The following EML6 variants were observed in gnomAD, a reference collection of about 807,000 sequenced individuals.
The protein encoded by EML6 is EMAP like 6.
EML6 carries 154 observed loss-of-function variants against 240.1 expected under a neutral mutation model. The observed-to-expected ratio is 0.64, with a 90% CI of 0.56 to 0.73. The LOEUF (loss-of-function observed/expected upper bound fraction) is 0.73, where lower values mean the gene tolerates loss of function less well. Ranked by LOEUF, EML6 falls within the 30% of genes least tolerant of loss-of-function variation. The pLI, the probability that EML6 is intolerant of heterozygous loss-of-function variation, is 0.00. For missense variants in EML6, 2,964 were observed against 2,474.6 expected, an observed-to-expected ratio of 1.20 and a Z score of -4.20; for synonymous variants, 1,148 against 899.0, an observed-to-expected ratio of 1.28 and a Z score of -4.95.
Position 54,724,244 on chromosome 2 carries a change from G to A in EML6, c.-513-305G>A, listed in dbSNP as rs1318386208. Among the ~76,000 whole-genome samples the A allele has an allele frequency of 6.6e-6, 1 of 151,956 alleles. No homozygotes were observed. The highest frequency in any genetic ancestry group is 1.5e-5 in the Non-Finnish European group (1 of 67,994). On this transcript the variant is annotated intron_variant, in intron 1 of 41. Transcript: ENST00000356458. The surrounding 1 kb of genome is among the most constrained non-coding windows in gnomAD (Gnocchi z 5.2). ...CTCGGTGAAGAGAAGGTTCACGGAGGATATGATTATTAAACACACACATGA... is the reference window on the plus strand; with the variant it reads ...CTCGGTGAAGAGAAGGTTCACGGAGAATATGATTATTAAACACACACATGA...
Position 54,894,903 on chromosome 2 carries a change from G to A in EML6, c.2743-12G>A, listed in dbSNP as rs898827843. The A allele has an allele frequency of 1.1e-5, 17 of 1,536,206 alleles. No individual in the cohort carries two copies. The highest frequency in any genetic ancestry group is 1.4e-5 in the Non-Finnish European group (16 of 1,133,228). Reference sequence around the variant, plus strand: ...GATGTGTATATAATACCTCTCATGTGTGCCTTCACAGGGCTTTGTAACAGG... The same window carrying A: ...GATGTGTATATAATACCTCTCATGTATGCCTTCACAGGGCTTTGTAACAGG... On this transcript the variant is annotated splice_polypyrimidine_tract_variant and intron_variant, in intron 19 of 41. Transcript: ENST00000356458.
chr2:54,885,985 C>G (rs1047965512), intron 17 of EML6, among the ~76,000 whole-genome samples: 2 of 152,166 alleles, frequency 1.3e-5, no homozygotes, highest in South Asian at 4.1e-4. Flanking sequence ...GGTTCACATT[C>G]ATGTAGCCAT....
At chr2:54,926,731 G>C (rs879336284) in intron 26 of EML6, among the ~76,000 whole-genome samples, 1 of 152,158 alleles carries the variant, frequency 6.6e-6, no homozygotes, top group African/African-American at 2.4e-5. Context: ...ACTGCTGCAG[G>C]AATCTCTGCC....
intron 2 of EML6, among the ~76,000 whole-genome samples, chr2:54,803,806 C>T (rs1670307825): frequency 6.6e-6 from 1 of 152,172 alleles, no homozygotes; most frequent in South Asian, 2.1e-4. Context: ...AAATTCTCCT[C>T]CTCTTAGAGT....
chr2:54,820,054 T>C (rs968839768), intron 4 of EML6, among the ~76,000 whole-genome samples: 2 of 152,196 alleles, frequency 1.3e-5, no homozygotes, highest in African/African-American at 4.8e-5. Context: ...ATCTCCAAAG[T>C]GTTAGCACTG....
intron 26 of EML6, among the ~76,000 whole-genome samples, chr2:54,926,602 C>T (rs1234886446): frequency 1.3e-5 from 2 of 152,242 alleles, no homozygotes; most frequent in Non-Finnish European, 1.5e-5. Context: ...ACATCCCTGC[C>T]AGTGTCTTTC....
rs1020675287 is a variant in EML6, at chr2:54,967,132, A to G, written c.5597+29A>G. The stretch of plus-strand genomic sequence containing the variant: ...ACTGACTGGAAGAAAAAACTTGAGG[A>G]AAAGGTCACAAGGGAGTCTCTTGTC... On this transcript the variant is annotated intron_variant, in intron 39 of 41. Coordinates refer to ENST00000356458, the MANE Select transcript of EML6 (RefSeq NM_001039753.4). 11 of 1,435,238 alleles carry G rather than the reference A, an allele frequency of 7.7e-6. No individual in the cohort carries two copies. The African/African-American group carries it at 1.1e-4, about 15-fold the overall frequency. The allele number at this position is 1,435,238 out of a possible 1,614,324, so 88.9% of individuals were successfully genotyped here.
At chr2:54,760,845 T>TA (rs1359950463) in intron 2 of EML6, among the ~76,000 whole-genome samples, 1 of 149,030 alleles carries the variant, frequency 6.7e-6, no homozygotes, top group Non-Finnish European at 1.5e-5. Flanking sequence ...TTTTTTTTTT[T>TA]ACTAGAAAAA....
intron 7 of EML6, among the ~76,000 whole-genome samples, chr2:54,829,823 A>G (rs189236472): frequency 3.3e-5 from 5 of 152,332 alleles, no homozygotes; most frequent in Non-Finnish European, 7.3e-5. Context: ...GAGAGGAGAA[A>G]TGAGACAAAT....
At chr2:54,796,619 C>A (rs888556561) in intron 2 of EML6, among the ~76,000 whole-genome samples, 1 of 151,776 alleles carries the variant, frequency 6.6e-6, no homozygotes, top group African/African-American at 2.4e-5. Flanking sequence ...CTTGCATACA[C>A]GAGCGCACAC....
intron 13 of EML6, among the ~76,000 whole-genome samples, chr2:54,864,786 A>G (rs1239801304): frequency 1.3e-5 from 2 of 152,204 alleles, no homozygotes; most frequent in Admixed American, 6.5e-5. Context: ...CAAAGTGCAC[A>G]TTCTATGCAC....
chr2:54,905,374 ACAC>A (rs1673273715), intron 24 of EML6, among the ~76,000 whole-genome samples: 7 of 136,624 alleles, frequency 5.1e-5, no homozygotes, highest in Non-Finnish European at 8.1e-5. Flanking sequence ...ACACACACAC[ACAC>A]AAAATACCTG....
At chr2:54,770,173 C>G (rs536804824) in intron 2 of EML6, among the ~76,000 whole-genome samples, 4 of 152,294 alleles carry the variant, frequency 2.6e-5, no homozygotes, top group Non-Finnish European at 4.4e-5. Flanking sequence ...CTTGCTTAAC[C>G]TAAGTCATGT....
intron 2 of EML6, among the ~76,000 whole-genome samples, chr2:54,752,018 T>G (rs1296523807): frequency 6.6e-6 from 1 of 152,186 alleles, no homozygotes; most frequent in African/African-American, 2.4e-5. Flanking sequence ...CTTCCAAAAC[T>G]TTCTTCCTTC....
intron 17 of EML6, among the ~76,000 whole-genome samples, chr2:54,887,355 C>G (rs908485279): frequency 2.0e-5 from 3 of 152,192 alleles, no homozygotes; most frequent in African/African-American, 4.8e-5. Flanking sequence ...AATTTTCCCT[C>G]GTGAACCATT....
chr2:54,873,570 A>G lies in EML6; in HGVS notation c.2344+1965A>G, dbSNP rs571766150. Among the ~76,000 whole-genome samples, 5 of 151,720 alleles carry G rather than the reference A, an allele frequency of 3.3e-5. No homozygotes were observed. The South Asian group carries it at 1.0e-3, about 32-fold the overall frequency. ...GTAATTTTAGTTCAAATACGATTGT[A>G]TTTCAAAGATGTGGATGAATTCCTT... On this transcript the variant is annotated intron_variant, in intron 16 of 41. Coordinates refer to ENST00000356458, the MANE Select transcript of EML6 (RefSeq NM_001039753.4).
Position 54,950,693 on chromosome 2 carries a change from G to A in EML6, c.4127G>A (p.Cys1376Tyr). 6.4e-7 allele frequency: 1 copy of A among 1,551,620 alleles called. No homozygotes were observed. Among genetic ancestry groups the A allele is most frequent in the Non-Finnish European group, 8.7e-7 (1 of 1,146,964 alleles). ...GTGTTTGGCTACAGAGGTTTCGACT[G>A]TCGAAATAACCTGCATTACCTTAAT... ...DHVFGYRGFD[C>Y]RNNLHYLNDG... Residue 1376 changes from cysteine (C) to tyrosine (Y), a missense_variant, in exon 30 of 42, where the codon TGT (cysteine) becomes TAT (tyrosine). Physicochemically the swap from Cys to Tyr is radical, Grantham distance 194. Coordinates refer to ENST00000356458, the MANE Select transcript of EML6 (RefSeq NM_001039753.4).
intron 19 of EML6, 83 bp from the exon 20 acceptor site, chr2:54,894,832 A>G: frequency 1.2e-6 from 1 of 813,846 alleles, no homozygotes; most frequent in Non-Finnish European, 2.0e-6. Context: ...AAGCTTCCTT[A>G]CCTGCGGGGA....
chr2:54,844,219 T>A lies in EML6; in HGVS notation c.1020T>A (p.Ala340=). The A allele has an allele frequency of 6.4e-7, 1 of 1,551,710 alleles. No homozygotes were observed. Among genetic ancestry groups the A allele is most frequent in the Non-Finnish European group, 8.7e-7 (1 of 1,146,990 alleles). Residue 340 remains alanine (A), a synonymous_variant, in exon 8 of 42, where the codon GCT becomes GCA. Coordinates refer to ENST00000356458, the MANE Select transcript of EML6 (RefSeq NM_001039753.4). ...CCCTGCACCCCAAGAAGCCTCTGGC[T>A]GTGACAGGCAGCGATGACCGCTCTG... is the stretch of plus-strand genomic sequence containing the variant. The part of the protein sequence containing the change: ...ALALHPKKPL[A]VTGSDDRSVR...
Sources: allele counts gnomAD v4.1 joint callset (sites outside exome capture counted in the v4.1 genomes callset), GRCh38; gene constraint gnomAD v4.1.1; non-coding constraint Gnocchi (gnomAD v3.1); transcripts MANE v1.5; gene names NCBI Gene and HGNC (gene_info 2026-07-23, HGNC 2026-07-21).